The following SGK1 variants were observed in gnomAD, a reference collection of about 807,000 sequenced individuals.
The protein encoded by SGK1 is serine/threonine-protein kinase Sgk1.
SGK1 carries 26 observed loss-of-function variants against 64.2 expected under a neutral mutation model. The observed-to-expected ratio is 0.40, with a 90% confidence interval of 0.30 to 0.56. The LOEUF (loss-of-function observed/expected upper bound fraction) is 0.56. SGK1 is among the 20% of genes least tolerant of loss of function. The probability of loss-of-function intolerance (pLI) is 0.38; values close to 1 mark genes in which losing one functional copy is unlikely to be tolerated. For missense variants in SGK1, 519 were observed against 645.6 expected, an observed-to-expected ratio of 0.80 and a Z score of 2.12; for synonymous variants, 265 against 239.7, an observed-to-expected ratio of 1.11 and a Z score of -0.98.
intron 3 of SGK1, among the ~76,000 whole-genome samples, chr6:134,202,667 GA>G (rs1245067727): frequency 1.3e-5 from 2 of 150,946 alleles, no homozygotes; most frequent in African/African-American, 2.4e-5. Flanking sequence ...ATAAAAACAT[GA>G]AAAAAAAGAA....
chr6:134,287,470 G>C (rs17063601), intron 1 of SGK1, among the ~76,000 whole-genome samples: 17,546 of 147,568 alleles, frequency 0.12, 1,418 homozygotes, highest in African/African-American at 0.23. Context: ...AAGGAAGATT[G>C]GTAATTTTGA....
rs1165176861 is a variant in SGK1 at position 134,169,745 on chromosome 6, T to C, written c.*523A>G. 1 of 152,668 alleles carries C rather than the reference T, an allele frequency of 6.6e-6. No homozygotes were observed. Among genetic ancestry groups the C allele is most frequent in the Non-Finnish European group, 1.5e-5 (1 of 68,048 alleles). The allele number at this position is 152,668 out of a possible 1,614,324, so 9.5% of individuals were successfully genotyped here. A position where few individuals can be genotyped will look rare whatever the true frequency, so the allele number is the denominator to read the frequency against. ...TGGAAGAAACAAACAATGTCCCACG[T>C]TGTAGTGTCCTGCAAGTGTCACATT... On this transcript the variant is annotated 3_prime_UTR_variant, in exon 14 of 14. Coordinates refer to ENST00000367858, the MANE Select transcript of SGK1 (RefSeq NM_001143676.3).
At chr6:134,210,793 C>A (rs1431613412) in intron 2 of SGK1, among the ~76,000 whole-genome samples, 1 of 125,210 alleles carries the variant, frequency 8.0e-6, no homozygotes, top group Non-Finnish European at 1.6e-5. Flanking sequence ...GCCTGGGCGA[C>A]AGAGCAAGAC....
chr6:134,217,523 G>A (rs1776005510), intron 2 of SGK1, among the ~76,000 whole-genome samples: 1 of 152,104 alleles, frequency 6.6e-6, no homozygotes, highest in African/African-American at 2.4e-5. Context: ...CTTTGTCCCT[G>A]GGCTACAGTC....
In SGK1 at chr6:134,296,855, A is replaced by C. The variant is rs1379113008; in HGVS notation, c.69+20537T>G. On this transcript the variant is annotated intron_variant, in intron 1 of 13. Coordinates refer to ENST00000367858, the MANE Select transcript of SGK1 (RefSeq NM_001143676.3). ...GCAAGGGGGGGTCCCCAAGCAGTAA[A>C]CTTCCCCGCACGTGGGCTGAGGGCT... The C allele has an allele frequency of 2.2e-5, 4 of 181,124 alleles. No individual in the cohort carries two copies. In the East Asian group the frequency reaches 4.9e-4, roughly 22 times the overall value. 11.2% of individuals were successfully genotyped at this position (181,124 alleles called of 1,614,324 possible).
chr6:134,192,576 C>A (rs1213485780), intron 3 of SGK1, among the ~76,000 whole-genome samples: 1 of 151,902 alleles, frequency 6.6e-6, no homozygotes, highest in African/African-American at 2.4e-5. Flanking sequence ...CGTCTTCCTA[C>A]CTCCCTCCCA....
chr6:134,296,076 T>G (rs1366637457), intron 1 of SGK1, among the ~76,000 whole-genome samples: 1 of 152,158 alleles, frequency 6.6e-6, no homozygotes, highest in Non-Finnish European at 1.5e-5. Flanking sequence ...AGTCATGTGA[T>G]GTAATGGGAA....
intron 2 of SGK1, among the ~76,000 whole-genome samples, chr6:134,253,923 T>C (rs1776642425): frequency 6.6e-6 from 1 of 152,086 alleles, no homozygotes; most frequent in Non-Finnish European, 1.5e-5. Context: ...CCTTTCAAGC[T>C]GCCTTCAATT....
At chr6:134,173,747 T>TG in intron 5 of SGK1, 181 bp from the exon 6 acceptor site, 1 of 606,802 alleles carries the variant, frequency 1.6e-6, no homozygotes, top group South Asian at 2.2e-5. Context: ...CACACAGTCA[T>TG]GTTGTTTCAG....
chr6:134,290,942 T>C (rs555084035), intron 1 of SGK1, among the ~76,000 whole-genome samples: 89 of 152,142 alleles, frequency 5.8e-4, no homozygotes, highest in African/African-American at 2.1e-3. Context: ...AAAAAATATA[T>C]TGAAGTGAAT....
At chr6:134,219,301 C>T (rs974355959) in intron 2 of SGK1, among the ~76,000 whole-genome samples, 3 of 151,986 alleles carry the variant, frequency 2.0e-5, no homozygotes, top group African/African-American at 7.3e-5. Context: ...CATGAGCCAC[C>T]GTGCCTGGCC....
At chr6:134,206,845 C>A (rs531561177) in intron 3 of SGK1, among the ~76,000 whole-genome samples, 1 of 142,356 alleles carries the variant, frequency 7.0e-6, no homozygotes, top group Non-Finnish European at 1.5e-5. Flanking sequence ...CCAGCCTGGG[C>A]GACAGAGCAA....
rs1320758612 is a variant in SGK1 at position 134,172,290 on chromosome 6, A to G, written c.974T>C (p.Leu325Pro). Residue 325 changes from leucine to proline, a missense_variant, in exon 10 of 14, where the codon CTA becomes CCA. Transcript: ENST00000367858. ...YRDLKPENILLDSQGHIVLTD... is the reference protein window; with the variant it reads ...YRDLKPENILPDSQGHIVLTD... Reference sequence around the variant, plus strand: ...AAGGACAATGTGTCCCTGTGAATCTAGCAAAATATTCTCTGGTTTTAAGTC... The same window carrying G: ...AAGGACAATGTGTCCCTGTGAATCTGGCAAAATATTCTCTGGTTTTAAGTC... 1.2e-6 allele frequency: 2 copies of G among 1,613,056 alleles called. No individual in the cohort carries two copies. Among genetic ancestry groups the G allele is most frequent in the African/African-American group, 1.3e-5 (1 of 74,906 alleles).
At chr6:134,255,819 A>T (rs574108716) in intron 2 of SGK1, among the ~76,000 whole-genome samples, 2 of 152,124 alleles carry the variant, frequency 1.3e-5, no homozygotes, top group Admixed American at 6.5e-5. Context: ...TCCTGACCTC[A>T]GGTGATCTGC....
intron 3 of SGK1, among the ~76,000 whole-genome samples, chr6:134,186,664 C>G (rs1775428271): frequency 6.6e-6 from 1 of 152,160 alleles, no homozygotes; most frequent in Admixed American, 6.6e-5. Context: ...TGGCAGGTGA[C>G]CCAAACCTAC....
chr6:134,206,424 A>G (rs1775787115), intron 3 of SGK1, among the ~76,000 whole-genome samples: 1 of 134,442 alleles, frequency 7.4e-6, no homozygotes, highest in African/African-American at 2.8e-5. Context: ...CAGGCAGGTA[A>G]TGTGCAGACA....
chr6:134,202,530 A>G (rs1381314818), intron 3 of SGK1, among the ~76,000 whole-genome samples: 4 of 152,034 alleles, frequency 2.6e-5, no homozygotes, highest in Admixed American at 6.6e-5. Context: ...AATCCCAGCT[A>G]CTTGGGAGGC....
At chr6:134,292,518 A>G (rs7754025) in intron 1 of SGK1, among the ~76,000 whole-genome samples, 65,369 of 151,870 alleles carry the variant, frequency 0.43, 14,716 homozygotes, top group East Asian at 0.83. Flanking sequence ...GCTTGAACCC[A>G]GGAGGCAGAG....
At chr6:134,214,513 C>T (rs747636524) in intron 2 of SGK1, among the ~76,000 whole-genome samples, 2 of 151,608 alleles carry the variant, frequency 1.3e-5, no homozygotes, top group African/African-American at 2.4e-5. Context: ...ATCCCTTGAA[C>T]CTGGGAGGCG....
Sources: allele counts gnomAD v4.1 joint callset (sites outside exome capture counted in the v4.1 genomes callset), GRCh38; gene constraint gnomAD v4.1.1; transcripts MANE v1.5; gene names NCBI Gene and HGNC (gene_info 2026-07-23, HGNC 2026-07-21).